Variants in XKR5 observed in about 807,000 individuals in gnomAD.
XKR5 encodes XK related 5.
XKR5 carries 46 observed loss-of-function variants against 40.8 expected under a neutral mutation model. The ratio of observed to expected loss-of-function variants is 1.13; its 90% CI spans 0.89 to 1.44. The LOEUF (loss-of-function observed/expected upper bound fraction) is 1.44. Ranked by LOEUF, XKR5 falls within the 40% of genes most tolerant of loss-of-function variation. The pLI is 0.00. For synonymous variants in XKR5, 466 were observed against 356.1 expected, an observed-to-expected ratio of 1.31 and a Z score of -3.48; for missense variants, 1,169 against 844.7, an observed-to-expected ratio of 1.38 and a Z score of -4.76.
In XKR5 at chr8:6,812,344, A is replaced by T; in HGVS notation, c.920-5T>A. 1 of 1,531,874 alleles carries T rather than the reference A, an allele frequency of 6.5e-7. No individual in the cohort carries two copies. The highest frequency in any genetic ancestry group is 2.4e-5 in the East Asian group (1 of 40,898). The allele number at this position is 1,531,874 out of a possible 1,614,324, so 94.9% of individuals were successfully genotyped here. ...AAATTACCAGTGAGACACTGCCTGA[A>T]AAAGAACAAAAAGACCACAAGGTTA... On this transcript the variant is annotated splice_polypyrimidine_tract_variant and splice_region_variant and intron_variant, in intron 6 of 6. Coordinates refer to ENST00000618742, the MANE Select transcript of XKR5 (RefSeq NM_207411.5).
chr8:6,814,802 A>C (rs1346836580), intron 6 of XKR5, among the ~76,000 whole-genome samples: 1 of 152,204 alleles, frequency 6.6e-6, no homozygotes, highest in East Asian at 1.9e-4. Context: ...GCTTGTTACG[A>C]AGCCACAGTG....
chr8:6,822,506 T>TTA (rs398112160), intron 4 of XKR5, among the ~76,000 whole-genome samples: 4 of 152,098 alleles, frequency 2.6e-5, no homozygotes, highest in Non-Finnish European at 4.4e-5. Context: ...TGATTTTTTT[T>TTA]AAAAAAAGAA....
At chr8:6,826,187 G>A (rs754394236) in intron 2 of XKR5, among the ~76,000 whole-genome samples, 1 of 152,154 alleles carries the variant, frequency 6.6e-6, no homozygotes, top group Non-Finnish European at 1.5e-5. Context: ...GTGTGTGCAA[G>A]TGTGCAAAAC....
chr8:6,823,870 C>A (rs1230066699), intron 3 of XKR5, 140 bp from the exon 4 acceptor site: 3 of 711,766 alleles, frequency 4.2e-6, no homozygotes, highest in South Asian at 1.8e-5. Context: ...TATTACTAAC[C>A]CACCACTTTG....
rs150110995 is a variant in XKR5, at chr8:6,832,717, C to T, written c.242G>A (p.Arg81Gln). The T allele has an allele frequency of 2.2e-3, 3,559 of 1,612,866 alleles. 6 individuals are homozygous for T. The highest frequency in any genetic ancestry group is 5.0e-3 in the Admixed American group (299 of 59,838). The change falls in exon 2 of 7, where the codon CGG (arginine) becomes CAG (glutamine). Residue 81 changes from arginine to glutamine, a missense_variant and splice_region_variant. Coordinates refer to ENST00000618742, the MANE Select transcript of XKR5 (RefSeq NM_207411.5). The part of the protein sequence containing the change: ...LHLLQLGVWK[R>Q]HWDAALTSLQ... ...AGGTGAAAGAGGCAGCTGTTCTTAC[C>T]GCTTCCAAACACCAAGCTGTAGGAG...
At chr8:6,830,762 A>T (rs966050591) in intron 2 of XKR5, among the ~76,000 whole-genome samples, 2 of 152,170 alleles carry the variant, frequency 1.3e-5, no homozygotes, top group African/African-American at 4.8e-5. Flanking sequence ...TATCTATATG[A>T]TTTCACTAGT....
intron 5 of XKR5, among the ~76,000 whole-genome samples, chr8:6,819,499 C>T (rs2117092492): frequency 6.6e-6 from 1 of 152,308 alleles, no homozygotes; most frequent in East Asian, 1.9e-4. Context: ...TGGAGTTTAG[C>T]TGGGGGTGTT....
At chr8:6,835,229 G>T (rs553816457) in intron 1 of XKR5, among the ~76,000 whole-genome samples, 3 of 152,146 alleles carry the variant, frequency 2.0e-5, no homozygotes, top group South Asian at 4.1e-4. Context: ...TGCATCCTTG[G>T]GGGGATGGTG....
intron 2 of XKR5, 101 bp from the exon 3 acceptor site, chr8:6,825,450 T>C (rs1377045823): frequency 8.1e-7 from 1 of 1,228,358 alleles, no homozygotes; most frequent in Non-Finnish European, 1.1e-6. Context: ...AGCAATATCC[T>C]ATGCCCTTAC....
intron 1 of XKR5, among the ~76,000 whole-genome samples, chr8:6,833,493 G>A (rs191279494): frequency 6.6e-6 from 1 of 152,336 alleles, no homozygotes; most frequent in African/African-American, 2.4e-5. Context: ...CACTTTGGGA[G>A]GCCGAGGTGG....
chr8:6,830,288 G>A (rs1473257502), intron 2 of XKR5, among the ~76,000 whole-genome samples: 6 of 152,176 alleles, frequency 3.9e-5, no homozygotes, highest in African/African-American at 1.4e-4. Flanking sequence ...CCCCCTACAG[G>A]TCCTTTTCTA....
intron 2 of XKR5, among the ~76,000 whole-genome samples, chr8:6,827,235 C>T (rs190668330): frequency 3.3e-5 from 5 of 152,254 alleles, no homozygotes; most frequent in South Asian, 4.2e-4. Context: ...TGACCACAGC[C>T]GCCTGCACAC....
In XKR5 at chr8:6,810,113, C is replaced by G. The variant is rs1314481326; in HGVS notation, c.*1085G>C. ...GGGTGACAGAGAGGCCCTGTCTCAA[C>G]AAATAAACAAATGAAATGAAACAAA... is the stretch of plus-strand genomic sequence containing the variant. On this transcript the variant is annotated 3_prime_UTR_variant, in exon 7 of 7. Coordinates refer to ENST00000618742, the MANE Select transcript of XKR5 (RefSeq NM_207411.5). 1 of 151,988 alleles carries G rather than the reference C, an allele frequency of 6.6e-6. No individual in the cohort carries two copies. The highest frequency in any genetic ancestry group is 1.9e-4 in the East Asian group (1 of 5,198). 9.4% of individuals were successfully genotyped at this position (151,988 alleles called of 1,614,324 possible).
Position 6,811,135 on chromosome 8 carries a change from C to T in XKR5, c.*63G>A. The T allele has an allele frequency of 1.4e-6, 2 of 1,452,744 alleles. No individual in the cohort carries two copies. Among genetic ancestry groups the T allele is most frequent in the Non-Finnish European group, 1.8e-6 (2 of 1,098,140 alleles). The allele number at this position is 1,452,744 out of a possible 1,614,324, so 90.0% of individuals were successfully genotyped here. ...AGGTGTCAGAAGTGGGATTTCCTTT[C>T]TCACGGTACCAAATGGCCAGCTTGG... On this transcript the variant is annotated 3_prime_UTR_variant, in exon 7 of 7. Coordinates refer to ENST00000618742, the MANE Select transcript of XKR5 (RefSeq NM_207411.5).
rs1186666123 is a variant in XKR5, at chr8:6,811,486, G to C, written c.1773C>G (p.Phe591Leu). 7 of 1,528,278 alleles carry C rather than the reference G, an allele frequency of 4.6e-6. No individual in the cohort carries two copies. The highest frequency in any genetic ancestry group is 1.4e-5 in the African/African-American group (1 of 72,872). The allele number at this position is 1,528,278 out of a possible 1,614,324, so 94.7% of individuals were successfully genotyped here. The change falls in exon 7 of 7, where the codon TTC (phenylalanine) becomes TTG (leucine). Residue 591 changes from phenylalanine (F) to leucine (L), a missense_variant. By Grantham distance (22) the Phe-to-Leu change is conservative. Transcript: ENST00000618742. ...ASPHPVGLAP[F>L]PDTMADISPI... ...GGCTAATGTCGGCCATGGTGTCGGG[G>C]AAGGGCGCCAAGCCCACTGGGTGGG... is the stretch of plus-strand genomic sequence containing the variant.
chr8:6,827,538 C>G (rs1804565582), intron 2 of XKR5, among the ~76,000 whole-genome samples: 1 of 152,172 alleles, frequency 6.6e-6, no homozygotes, highest in African/African-American at 2.4e-5. Context: ...AAACAACTTT[C>G]CTTTTTCATG....
intron 5 of XKR5, 30 bp from the exon 6 acceptor site, chr8:6,815,948 C>A (rs199972135): frequency 6.6e-7 from 1 of 1,524,268 alleles, no homozygotes; most frequent in African/African-American, 1.4e-5. Context: ...GGCACCACAC[C>A]TCGTCAGGTG....
chr8:6,833,886 C>G (rs574031719), intron 1 of XKR5, among the ~76,000 whole-genome samples: 1 of 152,222 alleles, frequency 6.6e-6, no homozygotes, highest in Non-Finnish European at 1.5e-5. Flanking sequence ...ATGTGTGAAG[C>G]GCCTAGCATC....
At chr8:6,832,307 C>T (rs764757333) in intron 2 of XKR5, among the ~76,000 whole-genome samples, 1 of 152,212 alleles carries the variant, frequency 6.6e-6, no homozygotes, top group Non-Finnish European at 1.5e-5. Context: ...CAAATGTCAA[C>T]AGGCTGGCTT....
Sources: gnomAD v4.1 joint callset for allele counts (sites outside exome capture counted in the v4.1 genomes callset) on GRCh38, gnomAD v4.1.1 for gene constraint, MANE v1.5 for transcripts, NCBI Gene and HGNC (gene_info 2026-07-23, HGNC 2026-07-21) for gene names.